PPP1R12A: variants seen among roughly 807,000 people sequenced by gnomAD.
The protein encoded by PPP1R12A is protein phosphatase 1 regulatory subunit 12A, also known as myosin binding subunit.
A neutral mutation model predicts 139.6 loss-of-function variants in PPP1R12A; 19 were observed. That is an observed-to-expected ratio of 0.14 (90% confidence interval 0.09 to 0.20). The LOEUF (loss-of-function observed/expected upper bound fraction) is 0.20. Among genes scored for constraint, PPP1R12A ranks in the 10% least tolerant of loss-of-function variants. The pLI, the probability that PPP1R12A is intolerant of heterozygous loss-of-function variation, is 1.00. For missense variants in PPP1R12A, 925 were observed against 1,211.5 expected, an observed-to-expected ratio of 0.76 and a Z score of 3.51; for synonymous variants, 427 against 420.6, an observed-to-expected ratio of 1.02 and a Z score of -0.19.
At chr12:79,923,790 C>T (rs1266689582) in intron 1 of PPP1R12A, among the ~76,000 whole-genome samples, 4 of 152,206 alleles carry the variant, frequency 2.6e-5, no homozygotes, top group South Asian at 2.1e-4. Context: ...CGCCTGTAAT[C>T]GCAGCACTTT....
Position 79,796,835 on chromosome 12 carries a change from A to G in PPP1R12A, c.2408T>C (p.Leu803Pro), listed in dbSNP as rs762547992. 4 of 1,611,970 alleles carry G rather than the reference A, an allele frequency of 2.5e-6. No homozygotes were observed. Among genetic ancestry groups the G allele is most frequent in the South Asian group, 1.1e-5 (1 of 91,004 alleles). ...GGAGTAAGCAGAAGTTATGCCTACA[A>G]GACTATTTGGCCTGTTTAGTTGACT... Reference protein sequence around the residue: ...ASSQLNRPNSLVGITSAYSRG... With the variant: ...ASSQLNRPNSPVGITSAYSRG... The change falls in exon 17 of 25, where the codon CTT (leucine) becomes CCT (proline). Residue 803 changes from leucine to proline, a missense_variant. By Grantham distance (98) the Leu-to-Pro change is moderately conservative. This residue lies in a region of PPP1R12A where 315 missense variants were observed against 363.4 expected (regional missense o/e 0.87). Coordinates refer to ENST00000450142, the MANE Select transcript of PPP1R12A (RefSeq NM_002480.3).
intron 2 of PPP1R12A, among the ~76,000 whole-genome samples, chr12:79,856,551 C>T (rs984358882): frequency 5.9e-5 from 9 of 152,122 alleles, no homozygotes; most frequent in Non-Finnish European, 7.4e-5. Flanking sequence ...AAATGATATC[C>T]GTAATGTGTT....
intron 2 of PPP1R12A, among the ~76,000 whole-genome samples, chr12:79,863,902 A>G (rs1003421288): frequency 1.3e-5 from 2 of 152,158 alleles, no homozygotes; most frequent in African/African-American, 4.8e-5. Flanking sequence ...AGACTTTAAT[A>G]CCCCACTGTC....
At chr12:79,777,709 TATA>T (rs1869908520) in intron 24 of PPP1R12A, 2 of 898,456 alleles carry the variant, frequency 2.2e-6, no homozygotes, top group Admixed American at 6.2e-5. Context: ...TGGAAAAGAG[TATA>T]ATAAGAATGT....
intron 1 of PPP1R12A, among the ~76,000 whole-genome samples, chr12:79,878,679 G>A (rs948916581): frequency 6.6e-6 from 1 of 152,030 alleles, no homozygotes; most frequent in Non-Finnish European, 1.5e-5. Flanking sequence ...TTCACATGGC[G>A]GTGGCAAGGA....
At chr12:79,924,593 T>C (rs1458667309) in intron 1 of PPP1R12A, among the ~76,000 whole-genome samples, 2 of 152,064 alleles carry the variant, frequency 1.3e-5, no homozygotes, top group African/African-American at 2.4e-5. Flanking sequence ...CATGCTCAGC[T>C]AATTTTTAAA....
At chr12:79,826,916 A>G (rs961058788) in intron 5 of PPP1R12A, among the ~76,000 whole-genome samples, 2 of 152,198 alleles carry the variant, frequency 1.3e-5, no homozygotes, top group Non-Finnish European at 2.9e-5. Flanking sequence ...CACTGCCCAT[A>G]TGAATGGACA....
chr12:79,935,036 G>A lies in PPP1R12A; in HGVS notation c.-105C>T. The stretch of plus-strand genomic sequence containing the variant: ...TGTGTGAATGTTTCTATGAGTGCGG[G>A]CCAGAGGAGGGCTGGGAACCCGGAG... On this transcript the variant is annotated 5_prime_UTR_variant, in exon 1 of 25. Transcript: ENST00000450142. 7.0e-7 allele frequency: 1 copy of A among 1,429,102 alleles called. No homozygotes were observed. Among genetic ancestry groups the A allele is most frequent in the Non-Finnish European group, 9.2e-7 (1 of 1,091,656 alleles). The allele number at this position is 1,429,102 out of a possible 1,614,324, so 88.5% of individuals were successfully genotyped here.
At chr12:79,915,051 A>ACAAAAT (rs936786863) in intron 1 of PPP1R12A, among the ~76,000 whole-genome samples, 2 of 152,096 alleles carry the variant, frequency 1.3e-5, no homozygotes, top group African/African-American at 4.8e-5. Flanking sequence ...TAATATATGC[A>ACAAAAT]CAAAATCCTT....
intron 17 of PPP1R12A, among the ~76,000 whole-genome samples, chr12:79,795,984 AAGT>A (rs1872464765): frequency 6.6e-6 from 1 of 152,140 alleles, no homozygotes; most frequent in African/African-American, 2.4e-5. Flanking sequence ...CTGAAGTTTG[AAGT>A]GAGTATCTCT....
intron 1 of PPP1R12A, among the ~76,000 whole-genome samples, chr12:79,897,311 C>G (rs749001827): frequency 2.6e-5 from 4 of 152,196 alleles, no homozygotes; most frequent in Admixed American, 1.3e-4. Context: ...AACCAAATAC[C>G]ATATGTTCTA....
intron 2 of PPP1R12A, among the ~76,000 whole-genome samples, chr12:79,856,794 C>T (rs1880708874): frequency 6.6e-6 from 1 of 152,280 alleles, no homozygotes; most frequent in Admixed American, 6.5e-5. Flanking sequence ...CAGGCATTAA[C>T]AGGTAGAAAA....
At chr12:79,859,281 G>A (rs1305601464) in intron 2 of PPP1R12A, among the ~76,000 whole-genome samples, 6 of 149,032 alleles carry the variant, frequency 4.0e-5, no homozygotes, top group African/African-American at 1.2e-4. Flanking sequence ...AGCCTGCAGT[G>A]AGCCGAGATC....
rs768273032 is a variant in PPP1R12A at position 79,807,305 on chromosome 12, T to C, written c.1576A>G (p.Ser526Gly). 1 of 1,553,162 alleles carries C rather than the reference T, an allele frequency of 6.4e-7. No individual in the cohort carries two copies. Among genetic ancestry groups the C allele is most frequent in the South Asian group, 1.2e-5 (1 of 84,088 alleles). Reference protein sequence around the residue: ...NRDSSSLRTSSSYTRRKWEDD... With the variant: ...NRDSSSLRTSGSYTRRKWEDD... ...TCCCATTTTCTCCTTGTATATGAAC[T>C]ACTTGTTCGCAAACTTGAAGAATCT... Residue 526 changes from serine to glycine, a missense_variant, in exon 12 of 25, where the codon AGT becomes GGT. This residue lies in a region of PPP1R12A where 403 missense variants were observed against 463.7 expected (regional missense o/e 0.87). Transcript: ENST00000450142.
At chr12:79,841,330 C>T (rs1234811910) in intron 3 of PPP1R12A, among the ~76,000 whole-genome samples, 7 of 152,186 alleles carry the variant, frequency 4.6e-5, no homozygotes, top group African/African-American at 9.7e-5. Flanking sequence ...ACTCTGAAAC[C>T]TTTCCTCACT....
intron 14 of PPP1R12A, among the ~76,000 whole-genome samples, chr12:79,799,498 ATAT>A (rs1207628759): frequency 6.6e-6 from 1 of 152,126 alleles, no homozygotes; most frequent in Non-Finnish European, 1.5e-5. Context: ...GTCAGACAAC[ATAT>A]TATTGTTCAT....
chr12:79,879,983 C>T (rs978548275), intron 1 of PPP1R12A, among the ~76,000 whole-genome samples: 1 of 152,056 alleles, frequency 6.6e-6, no homozygotes, highest in Non-Finnish European at 1.5e-5. Context: ...AAATGCAATC[C>T]TTCTTTTAAC....
chr12:79,816,583 TAA>T (rs1320025505), intron 9 of PPP1R12A, among the ~76,000 whole-genome samples: 2 of 152,076 alleles, frequency 1.3e-5, no homozygotes, highest in Non-Finnish European at 2.9e-5. Flanking sequence ...CAGGAAAACG[TAA>T]AGTCTTAAAA....
chr12:79,785,654 C>A (rs1002613661), intron 22 of PPP1R12A, among the ~76,000 whole-genome samples: 1 of 152,082 alleles, frequency 6.6e-6, no homozygotes, highest in Non-Finnish European at 1.5e-5. Flanking sequence ...TTACAGGATG[C>A]CTTAGAGCCT....
Sources: allele counts gnomAD v4.1 joint callset (sites outside exome capture counted in the v4.1 genomes callset), GRCh38; gene constraint gnomAD v4.1.1; regional missense constraint gnomAD v4.1.1; transcripts MANE v1.5; gene names NCBI Gene and HGNC (gene_info 2026-07-23, HGNC 2026-07-21).